Variants in PLEKHF2 observed in about 807,000 individuals in gnomAD.
The protein encoded by PLEKHF2 is pleckstrin homology domain-containing family F member 2.
In PLEKHF2, 4 loss-of-function variants were observed where a neutral mutation model predicts 14.7. That is an observed-to-expected ratio of 0.27 (90% CI 0.13 to 0.62). The LOEUF (loss-of-function observed/expected upper bound fraction) is 0.62, where lower values mean the gene tolerates loss of function less well. Among genes scored for constraint, PLEKHF2 ranks in the 20% least tolerant of loss-of-function variants. The pLI is 0.85. For missense variants in PLEKHF2, 201 were observed against 307.7 expected (o/e 0.65, Z 2.60); for synonymous variants, 90 against 103.5 (o/e 0.87, Z 0.79).
At chr8:95,137,072 T>C (rs1015358693) in intron 1 of PLEKHF2, among the ~76,000 whole-genome samples, 15 of 152,234 alleles carry the variant, frequency 9.9e-5, no homozygotes, top group African/African-American at 3.6e-4. Context: ...GCAAGTTGCA[T>C]GTAGGATGGA....
intron 1 of PLEKHF2, among the ~76,000 whole-genome samples, chr8:95,136,957 C>T (rs1810382015): frequency 1.3e-5 from 2 of 152,148 alleles, no homozygotes; most frequent in Non-Finnish European, 2.9e-5. Context: ...ATAACTTTCT[C>T]CCCTGTCAAA....
At chr8:95,143,594 T>C (rs1810460527) in intron 1 of PLEKHF2, among the ~76,000 whole-genome samples, 1 of 152,110 alleles carries the variant, frequency 6.6e-6, no homozygotes, top group Admixed American at 6.5e-5. Context: ...CTTGAAGAAT[T>C]GGTGAGATTT....
intron 1 of PLEKHF2, among the ~76,000 whole-genome samples, chr8:95,134,572 C>G (rs1810355252): frequency 6.6e-6 from 1 of 152,206 alleles, no homozygotes. Context: ...AGAACTTGCT[C>G]TGATAGAAGC....
chr8:95,151,872 A>G (rs1810568542), intron 1 of PLEKHF2, among the ~76,000 whole-genome samples: 1 of 152,086 alleles, frequency 6.6e-6, no homozygotes, highest in African/African-American at 2.4e-5. Context: ...AGTATAGTAT[A>G]TATTTTTTAA....
intron 1 of PLEKHF2, among the ~76,000 whole-genome samples, chr8:95,149,349 T>C (rs1037246870): frequency 6.6e-6 from 1 of 152,142 alleles, no homozygotes; most frequent in African/African-American, 2.4e-5. Context: ...TCCTTCATTG[T>C]ACTTCATCTT....
At chr8:95,139,328 G>T (rs1485920405) in intron 1 of PLEKHF2, among the ~76,000 whole-genome samples, 1 of 152,110 alleles carries the variant, frequency 6.6e-6, no homozygotes, top group Non-Finnish European at 1.5e-5. Flanking sequence ...GGGCAACATG[G>T]CAAAACCCCG....
chr8:95,152,134 A>G (rs1810571049), intron 1 of PLEKHF2, among the ~76,000 whole-genome samples: 1 of 152,088 alleles, frequency 6.6e-6, no homozygotes, highest in Admixed American at 6.6e-5. Flanking sequence ...GAGATCAGGA[A>G]GTTCATCTCT....
At chr8:95,136,135 C>A (rs975226282) in intron 1 of PLEKHF2, among the ~76,000 whole-genome samples, 2 of 152,168 alleles carry the variant, frequency 1.3e-5, no homozygotes, top group African/African-American at 4.8e-5. Context: ...TCATTCCCTG[C>A]ATGCCAAGAA....
At chr8:95,151,657 G>A (rs192888848) in intron 1 of PLEKHF2, among the ~76,000 whole-genome samples, 342 of 151,878 alleles carry the variant, frequency 2.3e-3, no homozygotes, top group Non-Finnish European at 3.5e-3. Flanking sequence ...CAGGGACCTT[G>A]CCTGTATTGT....
At chr8:95,147,031 A>G (rs1032369808) in intron 1 of PLEKHF2, among the ~76,000 whole-genome samples, 1 of 152,136 alleles carries the variant, frequency 6.6e-6, no homozygotes, top group African/African-American at 2.4e-5. Flanking sequence ...GAAACATACA[A>G]AATTACTATG....
rs1300135796 is a variant in PLEKHF2, at chr8:95,156,194, A to G, written c.*1400A>G. ...AACAACTACAGTCTTTGAAATATGG[A>G]AAATCAGCAGTCTAAAGTTTGTTTT... On this transcript the variant is annotated 3_prime_UTR_variant, in exon 2 of 2. Transcript: ENST00000315367. The G allele has an allele frequency of 6.0e-6, 1 of 167,076 alleles. No individual in the cohort carries two copies. The highest frequency in any genetic ancestry group is 3.1e-3 in the Middle Eastern group (1 of 318). The allele number at this position is 167,076 out of a possible 1,614,324, so 10.3% of individuals were successfully genotyped here.
chr8:95,145,931 T>C (rs1291467627), intron 1 of PLEKHF2, among the ~76,000 whole-genome samples: 1 of 152,228 alleles, frequency 6.6e-6, no homozygotes, highest in African/African-American at 2.4e-5. Context: ...ATACATTTGC[T>C]CAGGAGGATG....
Position 95,156,425 on chromosome 8 carries a change from G to C in PLEKHF2, c.*1631G>C, listed in dbSNP as rs1810620447. The C allele has an allele frequency of 6.0e-6, 1 of 166,838 alleles. No individual in the cohort carries two copies. Among genetic ancestry groups the C allele is most frequent in the South Asian group, 2.1e-4 (1 of 4,818 alleles). 10.3% of individuals were successfully genotyped at this position (166,838 alleles called of 1,614,324 possible). On this transcript the variant is annotated 3_prime_UTR_variant, in exon 2 of 2. Transcript: ENST00000315367. ...GAAAGAAAAGCACAACAAAACTAGG[G>C]TTTTTTGTTCATTTGCTTGCTTTTA...
chr8:95,153,935 T>G, intron 1 of PLEKHF2, 96 bp from the exon 2 acceptor site: 1 of 1,005,020 alleles, frequency 1.0e-6, no homozygotes, highest in Non-Finnish European at 1.3e-6. Context: ...TTTGCCTTTG[T>G]GTAAAAGCAA....
chr8:95,155,505 T>C lies in PLEKHF2; in HGVS notation c.*711T>C, dbSNP rs1810609056. On this transcript the variant is annotated 3_prime_UTR_variant, in exon 2 of 2. Coordinates refer to ENST00000315367, the MANE Select transcript of PLEKHF2 (RefSeq NM_024613.4). ...CCATAAAATAGTTGTGATTATATTT[T>C]TGTTTTATATAGGTCCCAAATTATA... 1 of 167,058 alleles carries C rather than the reference T, an allele frequency of 6.0e-6. No homozygotes were observed. Among genetic ancestry groups the C allele is most frequent in the Non-Finnish European group, 1.5e-5 (1 of 68,108 alleles). The allele number at this position is 167,058 out of a possible 1,614,324, so 10.3% of individuals were successfully genotyped here.
At chr8:95,138,296 A>T (rs562307248) in intron 1 of PLEKHF2, among the ~76,000 whole-genome samples, 1 of 149,554 alleles carries the variant, frequency 6.7e-6, no homozygotes, top group Non-Finnish European at 1.5e-5. Flanking sequence ...TTCTAAAATG[A>T]TTAAGATTTT....
chr8:95,146,897 T>G (rs896353236), intron 1 of PLEKHF2, among the ~76,000 whole-genome samples: 2 of 151,818 alleles, frequency 1.3e-5, no homozygotes, highest in African/African-American at 4.8e-5. Context: ...GTATCAATAG[T>G]TTTCCTATTA....
chr8:95,152,843 A>G (rs2132111458), intron 1 of PLEKHF2, among the ~76,000 whole-genome samples: 1 of 152,260 alleles, frequency 6.6e-6, no homozygotes, highest in South Asian at 2.1e-4. Flanking sequence ...CTTACATACT[A>G]TGCTGTTAGT....
At chr8:95,145,552 T>C (rs1810490121) in intron 1 of PLEKHF2, among the ~76,000 whole-genome samples, 3 of 151,722 alleles carry the variant, frequency 2.0e-5, no homozygotes, top group Admixed American at 1.3e-4. Flanking sequence ...GCCTCCCGAG[T>C]AGCTGGGACT....
Sources: gnomAD v4.1 joint callset for allele counts (sites outside exome capture counted in the v4.1 genomes callset) on GRCh38, gnomAD v4.1.1 for gene constraint, MANE v1.5 for transcripts, NCBI Gene and HGNC (gene_info 2026-07-23, HGNC 2026-07-21) for gene names.